The following PUM1 variants were observed in gnomAD, a reference collection of about 807,000 sequenced individuals.
PUM1 encodes pumilio homolog 1.
Under a neutral mutation model 131.8 loss-of-function variants are expected in PUM1, and 13 were observed. The ratio of observed to expected loss-of-function variants is 0.10; its 90% CI spans 0.06 to 0.16. The LOEUF (loss-of-function observed/expected upper bound fraction) is 0.16, where lower values mean the gene tolerates loss of function less well. Among genes scored for constraint, PUM1 ranks in the 10% least tolerant of loss-of-function variants. The probability of loss-of-function intolerance (pLI) is 1.00; values close to 1 mark genes in which losing one functional copy is unlikely to be tolerated. For synonymous variants in PUM1, 509 were observed against 556.5 expected (o/e 0.91, Z 1.20); for missense variants, 961 against 1,512.4 (o/e 0.64, Z 6.05).
chr1:30,937,189 G>GA (rs1553143222), intron 20 of PUM1, among the ~76,000 whole-genome samples: 9 of 152,224 alleles, frequency 5.9e-5, no homozygotes, highest in African/African-American at 1.9e-4. Context: ...ACGGGTAAGG[G>GA]TAAGGAGCCC....
At chr1:31,044,879 G>A (rs575539621) in intron 2 of PUM1, among the ~76,000 whole-genome samples, 3 of 151,868 alleles carry the variant, frequency 2.0e-5, no homozygotes, top group Admixed American at 6.6e-5. Context: ...GCACGATCTC[G>A]GCTTACTGCA....
intron 1 of PUM1, among the ~76,000 whole-genome samples, chr1:31,063,145 C>T (rs1212958255): frequency 3.3e-5 from 5 of 152,094 alleles, no homozygotes; most frequent in African/African-American, 1.2e-4. Context: ...CAGTCCCATT[C>T]TGTTCTAAAA....
At chr1:30,983,598 A>G (rs565882386) in intron 7 of PUM1, among the ~76,000 whole-genome samples, 3 of 151,876 alleles carry the variant, frequency 2.0e-5, no homozygotes, top group Non-Finnish European at 2.9e-5. Flanking sequence ...ACCTCACTTC[A>G]TATATTTTTG....
At chr1:31,002,497 C>T (rs1019913742) in intron 5 of PUM1, among the ~76,000 whole-genome samples, 1 of 152,064 alleles carries the variant, frequency 6.6e-6, no homozygotes, top group East Asian at 1.9e-4. Context: ...GCTAGGCTTC[C>T]ACCTATTTGA....
chr1:31,055,275 C>T, intron 2 of PUM1: 1 of 451,624 alleles, frequency 2.2e-6, no homozygotes, highest in Admixed American at 2.4e-5. Context: ...CATGTGTTTC[C>T]CAGCAGGATG....
intron 14 of PUM1, among the ~76,000 whole-genome samples, chr1:30,956,436 G>A (rs1199204783): frequency 2.0e-5 from 3 of 151,822 alleles, no homozygotes; most frequent in Non-Finnish European, 4.4e-5. Context: ...GCTAATTTTT[G>A]TACTTTTAGT....
At chr1:30,957,822 T>C (rs1365723926) in intron 14 of PUM1, among the ~76,000 whole-genome samples, 1 of 152,222 alleles carries the variant, frequency 6.6e-6, no homozygotes, top group Non-Finnish European at 1.5e-5. Context: ...CTGTGTTTAA[T>C]ACAACCAGAA....
chr1:30,993,628 A>G (rs1641879755), intron 6 of PUM1, among the ~76,000 whole-genome samples: 1 of 152,146 alleles, frequency 6.6e-6, no homozygotes, highest in African/African-American at 2.4e-5. Flanking sequence ...TCTCACTCAC[A>G]CACTCACCAC....
intron 10 of PUM1, among the ~76,000 whole-genome samples, chr1:30,970,574 T>C (rs1015714739): frequency 1.3e-5 from 2 of 152,284 alleles, no homozygotes; most frequent in East Asian, 3.9e-4. Flanking sequence ...AGAAAGTGTG[T>C]TTCAAACTAC....
intron 14 of PUM1, among the ~76,000 whole-genome samples, chr1:30,955,244 G>A (rs1329753275): frequency 7.3e-5 from 11 of 150,914 alleles, no homozygotes; most frequent in East Asian, 1.9e-4. Flanking sequence ...TCACAAGGTC[G>A]GGAGATCAAG....
rs1487212919 is a variant in PUM1 at position 30,950,121 on chromosome 1, A to G, written c.2856+6T>C. ...CACCAAGAGAAAAGTTAAAGGGGAA[A>G]CTTACAATTACCTGCTGGTCTGAAG... On this transcript the variant is annotated splice_donor_region_variant and intron_variant, in intron 17 of 21. Transcript: ENST00000426105. 6.2e-7 allele frequency: 1 copy of G among 1,610,808 alleles called. No individual in the cohort carries two copies. The highest frequency in any genetic ancestry group is 8.5e-7 in the Non-Finnish European group (1 of 1,178,488).
Position 30,941,885 on chromosome 1 carries a change from G to C in PUM1, c.3120+113C>G, listed in dbSNP as rs777163006. ...ATACAAATACAACCACAAGATTCAA[G>C]GGTATTTAAAACACATTAACCTCTT... On this transcript the variant is annotated intron_variant, in intron 19 of 21. Coordinates refer to ENST00000426105, the MANE Select transcript of PUM1 (RefSeq NM_001020658.2). The C allele has an allele frequency of 5.3e-6, 6 of 1,135,524 alleles. No homozygotes were observed. In the South Asian group the frequency reaches 6.1e-5, roughly 11 times the overall value. The allele number at this position is 1,135,524 out of a possible 1,614,324, so 70.3% of individuals were successfully genotyped here.
At chr1:30,942,455 A>T (rs980694307) in intron 18 of PUM1, among the ~76,000 whole-genome samples, 1 of 151,914 alleles carries the variant, frequency 6.6e-6, no homozygotes, top group African/African-American at 2.4e-5. Flanking sequence ...AAGTGTGTCA[A>T]CTGACAACCT....
intron 2 of PUM1, among the ~76,000 whole-genome samples, chr1:31,055,887 C>G (rs2124597925): frequency 6.6e-6 from 1 of 152,268 alleles, no homozygotes; most frequent in South Asian, 2.1e-4. Flanking sequence ...CTTTCAGCTT[C>G]CACCCATCAG....
intron 5 of PUM1, 111 bp from the exon 6 acceptor site, chr1:30,995,331 G>T: frequency 8.7e-7 from 1 of 1,151,428 alleles, no homozygotes; most frequent in Non-Finnish European, 1.3e-6. Flanking sequence ...ATAGTGTTGT[G>T]CCCTTTCACA....
At chr1:30,953,209 G>A (rs1640021570) in intron 15 of PUM1, among the ~76,000 whole-genome samples, 1 of 152,122 alleles carries the variant, frequency 6.6e-6, no homozygotes, top group Admixed American at 6.6e-5. Context: ...ACTGGACACA[G>A]TATCAGAGAA....
chr1:31,013,930 A>G (rs905881889), intron 3 of PUM1, among the ~76,000 whole-genome samples: 1 of 152,226 alleles, frequency 6.6e-6, no homozygotes, highest in Admixed American at 6.5e-5. Context: ...TTATTAAAAC[A>G]TATCTTTAAG....
chr1:30,936,843 G>A lies in PUM1; in HGVS notation c.3243-8C>T. The A allele has an allele frequency of 6.3e-7, 1 of 1,597,764 alleles. No individual in the cohort carries two copies. Among genetic ancestry groups the A allele is most frequent in the Non-Finnish European group, 8.6e-7 (1 of 1,168,334 alleles). ...CACTTCTCCACAACATTGCTGTAATGAGATAAAACCAGGGACAACTCTTAC... is the reference window on the plus strand; with the variant it reads ...CACTTCTCCACAACATTGCTGTAATAAGATAAAACCAGGGACAACTCTTAC... On this transcript the variant is annotated splice_region_variant and splice_polypyrimidine_tract_variant and intron_variant, in intron 20 of 21. Coordinates refer to ENST00000426105, the MANE Select transcript of PUM1 (RefSeq NM_001020658.2).
intron 2 of PUM1, among the ~76,000 whole-genome samples, chr1:31,029,499 G>C (rs983095406): frequency 2.2e-4 from 33 of 152,126 alleles, no homozygotes; most frequent in African/African-American, 7.2e-4. Flanking sequence ...ATCTCTTTAG[G>C]CTTCAATTTA....
Sources: gnomAD v4.1 joint callset for allele counts (sites outside exome capture counted in the v4.1 genomes callset) on GRCh38, gnomAD v4.1.1 for gene constraint, MANE v1.5 for transcripts, NCBI Gene and HGNC (gene_info 2026-07-23, HGNC 2026-07-21) for gene names.